MCF2L2: variants seen among roughly 807,000 people sequenced by gnomAD.
MCF2L2 encodes the protein probable guanine nucleotide exchange factor MCF2L2.
A neutral mutation model predicts 150.2 loss-of-function variants in MCF2L2; 102 were observed. The observed-to-expected ratio is 0.68, with a 90% CI of 0.58 to 0.80. The LOEUF is 0.80. Ranked by LOEUF, MCF2L2 falls within the 30% of genes least tolerant of loss-of-function variation. MCF2L2 has a pLI of 0.00. For synonymous variants in MCF2L2, 465 were observed against 491.3 expected (o/e 0.95, Z 0.71); for missense variants, 1,256 against 1,372.8 (o/e 0.91, Z 1.34).
chr3:183,248,123 A>C (rs774071524), intron 15 of MCF2L2, among the ~76,000 whole-genome samples: 2 of 152,060 alleles, frequency 1.3e-5, no homozygotes, highest in Admixed American at 6.5e-5. Context: ...GTTTTTCCCA[A>C]GAGGGTTTAC....
chr3:183,337,048 T>C (rs952684096), intron 5 of MCF2L2, among the ~76,000 whole-genome samples: 1 of 152,172 alleles, frequency 6.6e-6, no homozygotes, highest in African/African-American at 2.4e-5. Context: ...GTCTAGCTTC[T>C]TTCTCTCAAG....
intron 2 of MCF2L2, among the ~76,000 whole-genome samples, chr3:183,379,849 T>C (rs1319596199): frequency 1.3e-5 from 2 of 151,938 alleles, no homozygotes; most frequent in African/African-American, 4.8e-5. Flanking sequence ...GGCAAGATAC[T>C]TAATGTGTTT....
intron 3 of MCF2L2, among the ~76,000 whole-genome samples, chr3:183,365,927 A>G (rs933504735): frequency 6.6e-6 from 1 of 152,202 alleles, no homozygotes; most frequent in South Asian, 2.1e-4. Context: ...CAAAAACTCA[A>G]TAGAATAACG....
At chr3:183,298,765 G>GCGCGCACGCGCGGGCGCGCACA in intron 11 of MCF2L2, 1 of 138,500 alleles carries the variant, frequency 7.2e-6, no homozygotes, top group African/African-American at 2.9e-5. Flanking sequence ...AAACACACAT[G>GCGCGCACGCGCGGGCGCGCACA]CACACACACA....
intron 14 of MCF2L2, among the ~76,000 whole-genome samples, chr3:183,288,189 T>A (rs149982384): frequency 4.5e-4 from 68 of 152,370 alleles, no homozygotes; most frequent in Non-Finnish European, 6.8e-4. Context: ...TATACCCATT[T>A]GTACAAGCAA....
chr3:183,419,359 A>G (rs114005756), intron 1 of MCF2L2, among the ~76,000 whole-genome samples: 12,911 of 152,188 alleles, frequency 0.085, 573 homozygotes, highest in African/African-American at 0.095. Context: ...TTTCCCCATT[A>G]TCTTGGCTAT....
At chr3:183,404,100 T>C (rs931714412) in intron 1 of MCF2L2, among the ~76,000 whole-genome samples, 1 of 152,120 alleles carries the variant, frequency 6.6e-6, no homozygotes, top group Non-Finnish European at 1.5e-5. Context: ...AAAAAAACCT[T>C]CTATAAACTT....
At chr3:183,224,341 T>A (rs1018737427) in intron 18 of MCF2L2, 151 bp from the exon 19 acceptor site, 6 of 595,774 alleles carry the variant, frequency 1.0e-5, no homozygotes, top group East Asian at 2.8e-5. Context: ...TGTTGGGATG[T>A]GTGTGTGATG....
rs1248107053 is a variant in MCF2L2, at chr3:183,188,382, G to T, written c.3016+4617C>A. 2.0e-5 allele frequency among the ~76,000 whole-genome samples: 3 copies of T among 152,232 alleles called. No individual in the cohort carries two copies. In the South Asian group the frequency reaches 6.2e-4, roughly 32 times the overall value. On this transcript the variant is annotated intron_variant, in intron 27 of 29. Coordinates refer to ENST00000328913, the MANE Select transcript of MCF2L2 (RefSeq NM_015078.4). ...CAATGTCCCCGTGTTCATCACTAGA[G>T]TCATGATGGGCAAGGTCACAACTCA...
chr3:183,242,403 G>A (rs1724067458), intron 15 of MCF2L2, among the ~76,000 whole-genome samples: 1 of 152,222 alleles, frequency 6.6e-6, no homozygotes, highest in African/African-American at 2.4e-5. Context: ...GTGGTTTTGT[G>A]GGCCCAGCCC....
intron 3 of MCF2L2, among the ~76,000 whole-genome samples, chr3:183,366,928 T>A (rs1712555557): frequency 6.6e-6 from 1 of 152,144 alleles, no homozygotes; most frequent in Non-Finnish European, 1.5e-5. Flanking sequence ...TATATGCCAC[T>A]TCTGTAAATA....
At chr3:183,414,053 T>G (rs1356477751) in intron 1 of MCF2L2, among the ~76,000 whole-genome samples, 1 of 152,210 alleles carries the variant, frequency 6.6e-6, no homozygotes, top group Non-Finnish European at 1.5e-5. Flanking sequence ...TGTTGCATTT[T>G]TCTCTAGTTT....
Position 183,318,113 on chromosome 3 carries a change from C to T in MCF2L2, c.708G>A (p.Thr236=), listed in dbSNP as rs112914100. 2.5e-5 allele frequency: 40 copies of T among 1,614,148 alleles called. No individual in the cohort carries two copies. The highest frequency in any genetic ancestry group is 1.6e-4 in the Middle Eastern group (1 of 6,062). Residue 236 remains threonine, a synonymous_variant, in exon 7 of 30, where the codon ACG becomes ACA. Transcript: ENST00000328913. ...TTGTGTGGGACATGAGAAGGTCTTC[C>T]GTGGATAGCATGCTTCTGGGCAGCT... The part of the protein sequence containing the change: ...TAELPRSMLS[T]EDLLMSHTRQ...
chr3:183,193,020 A>G lies in MCF2L2; in HGVS notation c.2995T>C (p.Ser999Pro). Residue 999 changes from serine to proline, a missense_variant, in exon 27 of 30, where the codon TCC (serine) becomes CCC (proline). By Grantham distance (74) the Ser-to-Pro change is moderately conservative. Coordinates refer to ENST00000328913, the MANE Select transcript of MCF2L2 (RefSeq NM_015078.4). ...RATTSKEDPA[S>P]STGGIKGCSS... ...CTACCTTTAATCCCTCCTGTGCTGGAGGCCGGGTCTTCCTTGCTAGTGGTA... is the reference window on the plus strand; with the variant it reads ...CTACCTTTAATCCCTCCTGTGCTGGGGGCCGGGTCTTCCTTGCTAGTGGTA... 6.2e-7 allele frequency: 1 copy of G among 1,614,080 alleles called. No individual in the cohort carries two copies. The highest frequency in any genetic ancestry group is 2.2e-5 in the East Asian group (1 of 44,886).
At chr3:183,375,814 C>G (rs1168965480) in intron 3 of MCF2L2, 2 of 152,182 alleles carry the variant, frequency 1.3e-5, no homozygotes, top group Non-Finnish European at 2.9e-5. Context: ...GGGAAGGACT[C>G]TGGTACTGGA....
At position 183,340,463 on chromosome 3, in the gene MCF2L2, C is replaced by G. The variant is rs185124317; in HGVS notation, c.366+1077G>C. On this transcript the variant is annotated intron_variant, in intron 4 of 29. Coordinates refer to ENST00000328913, the MANE Select transcript of MCF2L2 (RefSeq NM_015078.4). The stretch of plus-strand genomic sequence containing the variant: ...TCTGCTTGTGGTGGAGTTCACAAGT[C>G]TGAGGTCCCTACAGAGGAAGGACAC... 3.9e-3 allele frequency among the ~76,000 whole-genome samples: 599 copies of G among 152,114 alleles called. 6 individuals carry two copies. Among genetic ancestry groups the G allele is most frequent in the Non-Finnish European group, 3.8e-3 (259 of 67,996 alleles).
In MCF2L2 at chr3:183,350,765, G is replaced by A. The variant is rs144599425; in HGVS notation, c.276-9135C>T. ...TAAAACTACAAAAAATTAGCTGGGC[G>A]TGGTGGCGGGCGCCTGGAGTCCCAG... On this transcript the variant is annotated intron_variant, in intron 3 of 29. Transcript: ENST00000328913. Among the ~76,000 whole-genome samples the A allele has an allele frequency of 4.5e-3, 687 of 152,112 alleles. 4 individuals are homozygous for A. Among genetic ancestry groups the A allele is most frequent in the African/African-American group, 0.016 (661 of 41,516 alleles).
chr3:183,221,087 G>A (rs1723132984), intron 20 of MCF2L2, among the ~76,000 whole-genome samples: 1 of 152,112 alleles, frequency 6.6e-6, no homozygotes, highest in African/African-American at 2.4e-5. Flanking sequence ...CTGCCCCTGG[G>A]GATAGAGAAG....
chr3:183,317,924 G>C, intron 7 of MCF2L2, 144 bp downstream of exon 7: 2 of 1,024,248 alleles, frequency 2.0e-6, no homozygotes, highest in Non-Finnish European at 2.8e-6. Flanking sequence ...TGTCTGGAAG[G>C]TTTAAGATGA....
Sources: allele counts gnomAD v4.1 joint callset (sites outside exome capture counted in the v4.1 genomes callset), GRCh38; gene constraint gnomAD v4.1.1; transcripts MANE v1.5; gene names NCBI Gene and HGNC (gene_info 2026-07-23, HGNC 2026-07-21).